Variants in PTPRT observed in about 807,000 individuals in gnomAD.
The protein encoded by PTPRT is receptor-type tyrosine-protein phosphatase T.
Under a neutral mutation model 176.8 loss-of-function variants are expected in PTPRT, and 56 were observed. That is an observed-to-expected ratio of 0.32 (90% CI 0.26 to 0.40). The LOEUF (loss-of-function observed/expected upper bound fraction) is 0.40, where lower values mean the gene tolerates loss of function less well. PTPRT is among the 10% of genes least tolerant of loss of function. PTPRT has a pLI of 1.00. For synonymous variants in PTPRT, 783 were observed against 739.0 expected (o/e 1.06, Z -0.96); for missense variants, 1,540 against 1,908.2 (o/e 0.81, Z 3.60).
chr20:42,884,069 A>C (rs985309573), intron 2 of PTPRT, among the ~76,000 whole-genome samples: 1 of 152,106 alleles, frequency 6.6e-6, no homozygotes, highest in Non-Finnish European at 1.5e-5. Flanking sequence ...GCTATGTTTA[A>C]GCAGAGGTGT....
intron 1 of PTPRT, among the ~76,000 whole-genome samples, chr20:42,944,420 G>C (rs1286904698): frequency 6.6e-6 from 1 of 152,170 alleles, no homozygotes; most frequent in Non-Finnish European, 1.5e-5. Flanking sequence ...AGTCACACCA[G>C]TGCCTGCACT....
At chr20:42,279,646 A>T (rs1470547878) in intron 13 of PTPRT, among the ~76,000 whole-genome samples, 1 of 152,230 alleles carries the variant, frequency 6.6e-6, no homozygotes, top group African/African-American at 2.4e-5. Context: ...TTAGATCCAG[A>T]GTTACTAGTA....
At position 42,977,580 on chromosome 20, in the gene PTPRT, T is replaced by C. The variant is rs183788149; in HGVS notation, c.89-91648A>G. On this transcript the variant is annotated intron_variant, in intron 1 of 30. Coordinates refer to ENST00000373187, the MANE Select transcript of PTPRT (RefSeq NM_007050.6). Reference sequence around the variant, plus strand: ...CAAGAACTGTTAATACTTTGTTTCATTTTCTTCCATTTATTTATGTTTACA... The same window carrying C: ...CAAGAACTGTTAATACTTTGTTTCACTTTCTTCCATTTATTTATGTTTACA... Among the ~76,000 whole-genome samples, 1,275 of 152,322 alleles carry C rather than the reference T, an allele frequency of 8.4e-3. 14 individuals carry two copies. The highest frequency in any genetic ancestry group is 0.029 in the African/African-American group (1,218 of 41,564).
chr20:42,555,441 T>TA (rs2072843681), intron 7 of PTPRT, among the ~76,000 whole-genome samples: 1 of 151,870 alleles, frequency 6.6e-6, no homozygotes, highest in Non-Finnish European at 1.5e-5. Context: ...ACATGATGAG[T>TA]ACGAGAGAAA....
chr20:42,802,281 C>T (rs1032229956), intron 2 of PTPRT, among the ~76,000 whole-genome samples: 8 of 152,128 alleles, frequency 5.3e-5, no homozygotes, highest in African/African-American at 1.2e-4. Context: ...AAAATTTGGG[C>T]GAATCAACAA....
intron 7 of PTPRT, among the ~76,000 whole-genome samples, chr20:42,565,081 G>C (rs112395543): frequency 6.6e-6 from 1 of 152,030 alleles, no homozygotes; most frequent in Admixed American, 6.5e-5. Context: ...GGCGCCCCGG[G>C]TCCTTCGTGT....
chr20:42,586,921 G>A (rs1330241268), intron 7 of PTPRT, among the ~76,000 whole-genome samples: 2 of 152,098 alleles, frequency 1.3e-5, no homozygotes, highest in Non-Finnish European at 1.5e-5. Context: ...CCAAGTCAGC[G>A]CAGTCATTGG....
rs9941770 is a variant in PTPRT at position 42,352,268 on chromosome 20, G to A, written c.1578C>T (p.Val526=). The change falls in exon 10 of 31, where the codon GTC becomes GTT. Residue 526 remains valine (V), a synonymous_variant. Coordinates refer to ENST00000373187, the MANE Select transcript of PTPRT (RefSeq NM_007050.6). ...GGTCAGCACTTGGGTCCAGCGAGCC[G>A]ACAGCCTTGTAGTTGATCTGTAGGA... The part of the protein sequence containing the change: ...ITLYEINYKA[V]GSLDPSADLS... The A allele has an allele frequency of 1.5e-4, 239 of 1,614,104 alleles. No individual in the cohort carries two copies. In the African/African-American group the frequency reaches 2.4e-3, roughly 16 times the overall value.
intron 1 of PTPRT, among the ~76,000 whole-genome samples, chr20:43,085,691 T>C (rs1418472609): frequency 6.6e-6 from 1 of 152,070 alleles, no homozygotes; most frequent in Admixed American, 6.6e-5. Context: ...TTATCGACTA[T>C]CACAAGAACA....
chr20:42,175,027 C>T (rs1030826316), intron 16 of PTPRT, among the ~76,000 whole-genome samples: 2 of 152,038 alleles, frequency 1.3e-5, no homozygotes, highest in Non-Finnish European at 2.9e-5. Flanking sequence ...AATCTGCTGC[C>T]CCTCTCTTTC....
intron 1 of PTPRT, among the ~76,000 whole-genome samples, chr20:43,000,462 C>T (rs11907665): frequency 0.2 from 30,913 of 151,556 alleles, 3,308 homozygotes; most frequent in Non-Finnish European, 0.23. Context: ...ACAGCAATGA[C>T]TTGAACTCTC....
chr20:43,013,985 C>T (rs1049846391), intron 1 of PTPRT, among the ~76,000 whole-genome samples: 3 of 152,194 alleles, frequency 2.0e-5, no homozygotes, highest in Non-Finnish European at 4.4e-5. Context: ...GGCGAGGTCA[C>T]TTATTGTCTT....
At chr20:42,694,298 A>G (rs1045448269) in intron 6 of PTPRT, among the ~76,000 whole-genome samples, 4 of 152,114 alleles carry the variant, frequency 2.6e-5, no homozygotes, top group African/African-American at 9.7e-5. Context: ...TTGGCCTCCT[A>G]AAGTGCTGGG....
chr20:42,245,652 G>A (rs1369655484), intron 14 of PTPRT, among the ~76,000 whole-genome samples: 1 of 152,092 alleles, frequency 6.6e-6, no homozygotes, highest in African/African-American at 2.4e-5. Context: ...TTCTCTGTCT[G>A]TCTTCTAGTT....
intron 7 of PTPRT, among the ~76,000 whole-genome samples, chr20:42,542,617 A>G (rs2072603872): frequency 1.3e-5 from 2 of 152,220 alleles, no homozygotes; most frequent in Non-Finnish European, 2.9e-5. Flanking sequence ...GAACAAATCT[A>G]TGGAAATTAC....
At chr20:43,118,869 C>T (rs933879610) in intron 1 of PTPRT, among the ~76,000 whole-genome samples, 1 of 152,142 alleles carries the variant, frequency 6.6e-6, no homozygotes, top group African/African-American at 2.4e-5. Flanking sequence ...CAGTAGTTTT[C>T]AAGAATCATA....
chr20:42,092,681 T>A (rs907127843), intron 27 of PTPRT, among the ~76,000 whole-genome samples: 3 of 152,220 alleles, frequency 2.0e-5, no homozygotes, highest in Admixed American at 6.5e-5. Flanking sequence ...ATTTTGCTGG[T>A]GTGTTAGGCT....
At chr20:42,916,369 G>A (rs1978757224) in intron 1 of PTPRT, among the ~76,000 whole-genome samples, 1 of 152,052 alleles carries the variant, frequency 6.6e-6, no homozygotes. Context: ...TATCGTTCTT[G>A]GACATTTAGG....
intron 1 of PTPRT, among the ~76,000 whole-genome samples, chr20:43,015,216 A>G (rs1366841883): frequency 6.6e-6 from 1 of 152,232 alleles, no homozygotes; most frequent in African/African-American, 2.4e-5. Context: ...TCAGAATCAG[A>G]TAGACCAGAG....
Sources: allele counts gnomAD v4.1 joint callset (sites outside exome capture counted in the v4.1 genomes callset), GRCh38; gene constraint gnomAD v4.1.1; transcripts MANE v1.5; gene names NCBI Gene and HGNC (gene_info 2026-07-23, HGNC 2026-07-21).